SYT1: variants seen among roughly 807,000 people sequenced by gnomAD.
SYT1 encodes synaptotagmin 1, also known as synaptotagmin-1.
In SYT1, 8 loss-of-function variants were observed where a neutral mutation model predicts 44.8. The ratio of observed to expected loss-of-function variants is 0.18; its 90% CI spans 0.10 to 0.32. SYT1 has a LOEUF of 0.32. SYT1 is among the 10% of genes least tolerant of loss of function. The pLI is 1.00. For missense variants in SYT1, 286 were observed against 509.3 expected (o/e 0.56, Z 4.22); for synonymous variants, 154 against 188.8 (o/e 0.82, Z 1.51).
chr12:79,318,450 A>G (rs1329885902), intron 8 of SYT1, among the ~76,000 whole-genome samples: 1 of 152,230 alleles, frequency 6.6e-6, no homozygotes, highest in African/African-American at 2.4e-5. Context: ...CATGTGAACT[A>G]TAACTATGTT....
chr12:79,204,207 G>C (rs903673292), intron 3 of SYT1, among the ~76,000 whole-genome samples: 38 of 152,238 alleles, frequency 2.5e-4, no homozygotes, highest in African/African-American at 8.9e-4. Flanking sequence ...ATAATGTCTA[G>C]GTAATAGTAT....
chr12:79,186,832 A>G (rs559326062), intron 3 of SYT1, among the ~76,000 whole-genome samples: 205 of 152,144 alleles, frequency 1.3e-3, no homozygotes, highest in African/African-American at 4.6e-3. Flanking sequence ...TGTTTTTTTC[A>G]ATCTGTGTGA....
chr12:79,120,173 T>A (rs1879517099), intron 3 of SYT1, among the ~76,000 whole-genome samples: 1 of 152,124 alleles, frequency 6.6e-6, no homozygotes, highest in Non-Finnish European at 1.5e-5. Flanking sequence ...GTCAGAATGT[T>A]CGTATGCGGC....
At chr12:78,973,456 A>T (rs1002296400) in intron 1 of SYT1, among the ~76,000 whole-genome samples, 7 of 152,160 alleles carry the variant, frequency 4.6e-5, no homozygotes, top group African/African-American at 1.4e-4. Flanking sequence ...CTTCTCAAGA[A>T]ATTAGAAATA....
intron 3 of SYT1, among the ~76,000 whole-genome samples, chr12:79,058,941 T>G (rs1276767066): frequency 1.3e-5 from 2 of 152,138 alleles, no homozygotes; most frequent in Admixed American, 6.6e-5. Context: ...GATTTGTTAA[T>G]GAGGTATGTA....
At chr12:79,016,722 C>G (rs1339310777) in intron 2 of SYT1, among the ~76,000 whole-genome samples, 1 of 151,996 alleles carries the variant, frequency 6.6e-6, no homozygotes, top group Non-Finnish European at 1.5e-5. Flanking sequence ...ATGGAGGAGG[C>G]ATGGTGATTA....
At chr12:78,952,211 T>C (rs1879005337) in intron 1 of SYT1, among the ~76,000 whole-genome samples, 1 of 152,116 alleles carries the variant, frequency 6.6e-6, no homozygotes, top group Admixed American at 6.6e-5. Flanking sequence ...AGTTTCATAA[T>C]ATAATAAAAC....
chr12:79,348,912 GAAGAAAGGAAAAAAGA>G (rs1243182268), intron 8 of SYT1, among the ~76,000 whole-genome samples: 1 of 116,450 alleles, frequency 8.6e-6, no homozygotes, highest in African/African-American at 3.2e-5. Context: ...AGAAAGAAAG[GAAGAAAGGAAAAAAGA>G]AAGAAAGGAA....
chr12:79,183,141 T>C (rs183290852), intron 3 of SYT1, among the ~76,000 whole-genome samples: 1 of 152,146 alleles, frequency 6.6e-6, no homozygotes, highest in Non-Finnish European at 1.5e-5. Flanking sequence ...AGACAAACTT[T>C]TGTCCCCTGG....
chr12:79,125,451 C>CAAAAAA (rs61296536), intron 3 of SYT1, among the ~76,000 whole-genome samples: 2 of 99,042 alleles, frequency 2.0e-5, no homozygotes, highest in African/African-American at 7.7e-5. Context: ...ACTGTCTCTA[C>CAAAAAA]AAAAAAAAAA....
At chr12:79,105,363 A>T (rs1878658832) in intron 3 of SYT1, among the ~76,000 whole-genome samples, 1 of 152,172 alleles carries the variant, frequency 6.6e-6, no homozygotes, top group Non-Finnish European at 1.5e-5. Flanking sequence ...GAAGAACAGA[A>T]TTGAGTCCAG....
intron 1 of SYT1, among the ~76,000 whole-genome samples, chr12:78,959,139 A>G (rs1879370061): frequency 6.6e-6 from 1 of 152,162 alleles, no homozygotes; most frequent in Non-Finnish European, 1.5e-5. Flanking sequence ...CCTAAGCTGG[A>G]ATGCGCAAAT....
At chr12:78,891,086 G>T (rs1370220529) in intron 1 of SYT1, among the ~76,000 whole-genome samples, 1 of 151,648 alleles carries the variant, frequency 6.6e-6, no homozygotes, top group Non-Finnish European at 1.5e-5. Flanking sequence ...TTTATTATTG[G>T]TTTATTGTTT....
chr12:79,094,486 A>G (rs1877989865), intron 3 of SYT1, among the ~76,000 whole-genome samples: 1 of 151,908 alleles, frequency 6.6e-6, no homozygotes, highest in African/African-American at 2.4e-5. Context: ...ACATGCACAC[A>G]TGTATAAACA....
At chr12:79,037,804 T>A (rs1448889397) in intron 2 of SYT1, among the ~76,000 whole-genome samples, 2 of 151,834 alleles carry the variant, frequency 1.3e-5, no homozygotes, top group Admixed American at 6.6e-5. Flanking sequence ...TATTACTTGA[T>A]GAATTCTTTT....
intron 8 of SYT1, among the ~76,000 whole-genome samples, chr12:79,325,118 G>C (rs535439659): frequency 6.6e-6 from 1 of 152,106 alleles, no homozygotes; most frequent in Non-Finnish European, 1.5e-5. Flanking sequence ...GTTAATATCC[G>C]ATTCCTATTC....
intron 1 of SYT1, among the ~76,000 whole-genome samples, chr12:78,928,715 GAAAT>G (rs1473284168): frequency 6.6e-6 from 1 of 152,122 alleles, no homozygotes; most frequent in Non-Finnish European, 1.5e-5. Flanking sequence ...ACTGGACAAA[GAAAT>G]AATTCACATC....
chr12:78,884,634 G>T (rs982694085), intron 1 of SYT1, among the ~76,000 whole-genome samples: 21 of 150,890 alleles, frequency 1.4e-4, no homozygotes, highest in African/African-American at 5.1e-4. Flanking sequence ...TTTAATGTTT[G>T]CATTTCTATA....
At chr12:79,389,080 G>A (rs1884552908) in intron 9 of SYT1, among the ~76,000 whole-genome samples, 2 of 152,050 alleles carry the variant, frequency 1.3e-5, no homozygotes, top group South Asian at 4.1e-4. Context: ...CTCTCCATAG[G>A]TACTCTCTCT....
Sources: gnomAD v4.1 joint callset for allele counts (sites outside exome capture counted in the v4.1 genomes callset) on GRCh38, gnomAD v4.1.1 for gene constraint, MANE v1.5 for transcripts, NCBI Gene and HGNC (gene_info 2026-07-23, HGNC 2026-07-21) for gene names.